Variants in FABP7 observed in about 807,000 individuals in gnomAD.
FABP7 encodes fatty acid-binding protein, brain.
FABP7 carries 13 observed loss-of-function variants against 14.2 expected under a neutral mutation model. That is an observed-to-expected ratio of 0.91 (90% CI 0.59 to 1.45). The LOEUF is 1.45. FABP7 is among the 40% of genes most tolerant of loss of function. The probability of loss-of-function intolerance (pLI) is 0.00; values close to 1 mark genes in which losing one functional copy is unlikely to be tolerated. For missense variants in FABP7, 149 were observed against 157.6 expected (o/e 0.95, Z 0.29); for synonymous variants, 49 against 51.4 (o/e 0.95, Z 0.20).
upstream of FABP7, among the ~76,000 whole-genome samples, chr6:122,778,626 T>C (rs1319490771): frequency 6.6e-6 from 1 of 152,166 alleles, no homozygotes; most frequent in East Asian, 1.9e-4. Context: ...AGGAATCTCT[T>C]TGGGTGAAGG....
the FABP7 span, among the ~76,000 whole-genome samples, chr6:122,764,613 T>C: frequency 8.5e-5 from 13 of 152,210 alleles, no homozygotes; most frequent in Admixed American, 8.5e-4. Flanking sequence ...TTATGACCCA[T>C]CCCCTTTTTG....
the FABP7 span, among the ~76,000 whole-genome samples, chr6:122,754,313 A>G: frequency 6.6e-6 from 1 of 152,116 alleles, no homozygotes; most frequent in African/African-American, 2.4e-5. Flanking sequence ...AAATTAAACA[A>G]ATATTTCCTC....
At chr6:122,758,526 A>T in the FABP7 span, among the ~76,000 whole-genome samples, 1 of 152,212 alleles carries the variant, frequency 6.6e-6, no homozygotes, top group Non-Finnish European at 1.5e-5. Context: ...CTTGTCAATC[A>T]AATTCTAAGG....
the FABP7 span, among the ~76,000 whole-genome samples, chr6:122,750,482 G>A: frequency 6.6e-6 from 1 of 152,286 alleles, no homozygotes; most frequent in South Asian, 2.1e-4. Context: ...TGCATCAACA[G>A]TACAACCAGA....
chr6:122,766,085 T>C, the FABP7 span, among the ~76,000 whole-genome samples: 1 of 152,102 alleles, frequency 6.6e-6, no homozygotes. Flanking sequence ...TGGTAACTGA[T>C]AGAGTTCTGC....
rs1562339169 is a variant in FABP7 at position 122,779,841 on chromosome 6, A to T, written c.47A>T (p.Asn16Ile). Reference protein sequence around the residue: ...CATWKLTNSQNFDEYMKALGV... With the variant: ...CATWKLTNSQIFDEYMKALGV... ...ACCTGGAAGCTGACCAACAGTCAGA[A>T]CTTTGATGAGTACATGAAGGCTCTA... The change falls in exon 1 of 4, where the codon AAC becomes ATC. Residue 16 changes from asparagine (N) to isoleucine (I), a missense_variant. Coordinates refer to ENST00000368444, the MANE Select transcript of FABP7 (RefSeq NM_001446.5). The T allele has an allele frequency of 4.3e-6, 7 of 1,614,132 alleles. No individual in the cohort carries two copies. Among genetic ancestry groups the T allele is most frequent in the Non-Finnish European group, 5.9e-6 (7 of 1,180,014 alleles).
At position 122,783,292 on chromosome 6, in the gene FABP7, A is replaced by G. The variant is rs929139930; in HGVS notation, c.349-425A>G. 14 of 985,222 alleles carry G rather than the reference A, an allele frequency of 1.4e-5. No homozygotes were observed. In the South Asian group the frequency reaches 2.8e-4, roughly 20 times the overall value. 61.0% of individuals were successfully genotyped at this position (985,222 alleles called of 1,614,324 possible). A position where few individuals can be genotyped will look rare whatever the true frequency, so the allele number is the denominator to read the frequency against. On this transcript the variant is annotated intron_variant, in intron 3 of 3. Transcript: ENST00000368444. ...TTTGGAACAAGTCATTCCAAATACC[A>G]TCAGCTCAAATGACTGGATTTTCTA... is the stretch of plus-strand genomic sequence containing the variant.
At chr6:122,782,087 G>GT in intron 3 of FABP7, 2 of 985,220 alleles carry the variant, frequency 2.0e-6, no homozygotes, top group Non-Finnish European at 2.4e-6. Flanking sequence ...CTTCTTTCCA[G>GT]TTTTTTTCTC....
At chr6:122,781,225 G>A in intron 3 of FABP7, 31 bp downstream of exon 3, 1 of 1,610,484 alleles carries the variant, frequency 6.2e-7, no homozygotes, top group Non-Finnish European at 8.5e-7. Flanking sequence ...ATTCTTCCTT[G>A]TTTTTTTCTC....
chr6:122,780,554 A>G, intron 2 of FABP7, 91 bp downstream of exon 2: 1 of 1,319,794 alleles, frequency 7.6e-7, no homozygotes, highest in Non-Finnish European at 1.1e-6. Context: ...GATGTTGGAA[A>G]GTGTAGAATA....
the FABP7 span, among the ~76,000 whole-genome samples, chr6:122,754,215 G>A: frequency 6.6e-6 from 1 of 151,910 alleles, no homozygotes; most frequent in Non-Finnish European, 1.5e-5. Context: ...CCACAAAGTG[G>A]TTTCTGCCTA....
intron 3 of FABP7, chr6:122,781,813 C>A: frequency 1.7e-6 from 1 of 603,152 alleles, no homozygotes; most frequent in Non-Finnish European, 2.0e-6. Context: ...GCATTCTTGG[C>A]TCACTGCAAC....
chr6:122,780,926 T>C (rs1780765669), intron 2 of FABP7, among the ~76,000 whole-genome samples, 167 bp from the exon 3 acceptor site: 1 of 152,190 alleles, frequency 6.6e-6, no homozygotes. Context: ...AATTATGAAT[T>C]CAAATTTACA....
At chr6:122,765,549 CT>C in the FABP7 span, among the ~76,000 whole-genome samples, 3 of 151,892 alleles carry the variant, frequency 2.0e-5, no homozygotes, top group Non-Finnish European at 4.4e-5. Flanking sequence ...TCTATTCTGT[CT>C]TGTCTAATAT....
chr6:122,767,492 A>G, the FABP7 span, among the ~76,000 whole-genome samples: 9 of 152,262 alleles, frequency 5.9e-5, no homozygotes, highest in African/African-American at 2.2e-4. Context: ...TTAGGTGGTG[A>G]AATGTTCAAT....
At chr6:122,772,833 G>A in the FABP7 span, among the ~76,000 whole-genome samples, 4 of 152,120 alleles carry the variant, frequency 2.6e-5, no homozygotes, top group Non-Finnish European at 5.9e-5. Flanking sequence ...TTCCATTACT[G>A]ATATTGCATT....
chr6:122,781,313 A>T, intron 3 of FABP7, 119 bp downstream of exon 3: 1 of 1,550,060 alleles, frequency 6.5e-7, no homozygotes, highest in African/African-American at 1.4e-5. Flanking sequence ...TTCTTTAATA[A>T]TACATCACTG....
upstream of FABP7, among the ~76,000 whole-genome samples, chr6:122,777,878 T>TAAATAAATAAATAAATAAATATAA (rs1365482048): frequency 7.1e-5 from 3 of 42,296 alleles, no homozygotes; most frequent in South Asian, 1.8e-3. Context: ...ATAAATATAA[T>TAAATAAATAAATAAATAAATATAA]TTTTTTATGT....
chr6:122,781,351 AGGGG>A (rs1235288057), intron 3 of FABP7, 157 bp downstream of exon 3: 2 of 1,475,862 alleles, frequency 1.4e-6, no homozygotes, highest in Non-Finnish European at 9.1e-7. Context: ...TATGTAAAAC[AGGGG>A]AAACAAAAAG....
Sources: gnomAD v4.1 joint callset for allele counts (sites outside exome capture counted in the v4.1 genomes callset) on GRCh38, gnomAD v4.1.1 for gene constraint, MANE v1.5 for transcripts, NCBI Gene and HGNC (gene_info 2026-07-23, HGNC 2026-07-21) for gene names.